Variants in CUL7 observed in about 807,000 individuals in gnomAD.
The protein encoded by CUL7 is cullin 7, also known as cullin-7.
A neutral mutation model predicts 177.7 loss-of-function variants in CUL7; 96 were observed. That is an observed-to-expected ratio of 0.54 (90% CI 0.46 to 0.64). The LOEUF (loss-of-function observed/expected upper bound fraction) is 0.64. CUL7 is among the 30% of genes least tolerant of loss of function. CUL7 has a pLI of 0.00. For synonymous variants in CUL7, 824 were observed against 890.2 expected (o/e 0.93, Z 1.32); for missense variants, 1,893 against 2,187.9 (o/e 0.87, Z 2.69).
chr6:43,043,406 C>T lies in CUL7; in HGVS notation c.3355+42G>A, dbSNP rs972343962. The T allele has an allele frequency of 1.8e-5, 28 of 1,598,374 alleles. No individual in the cohort carries two copies. Among genetic ancestry groups the T allele is most frequent in the Admixed American group, 5.0e-5 (3 of 59,984 alleles). ...GGTGTACACATGGGGCCCAGGAAAA[C>T]GCTCCTGACTAGAGCTCCCCACCTG... On this transcript the variant is annotated intron_variant, in intron 17 of 25. Coordinates refer to ENST00000265348, the MANE Select transcript of CUL7 (RefSeq NM_014780.5). This position sits in a 1 kb window ranked among gnomAD's most constrained non-coding sequence, Gnocchi z 4.2.
At chr6:43,046,682 G>C in intron 10 of CUL7, 81 bp from the exon 11 acceptor site, 1 of 1,584,042 alleles carries the variant, frequency 6.3e-7, no homozygotes, top group Non-Finnish European at 8.6e-7. Context: ...ATGAAGGAGA[G>C]ACCATGCAGC....
chr6:43,048,712 G>A, intron 7 of CUL7, 143 bp from the exon 8 acceptor site: 1 of 631,086 alleles, frequency 1.6e-6, no homozygotes, highest in East Asian at 2.8e-5. Context: ...GTTAGGTTTG[G>A]GGATCTAATC....
Position 43,050,237 on chromosome 6 carries a change from C to T in CUL7, c.1372+23G>A. 6.2e-7 allele frequency: 1 copy of T among 1,614,168 alleles called. No homozygotes were observed. Among genetic ancestry groups the T allele is most frequent in the Non-Finnish European group, 8.5e-7 (1 of 1,180,044 alleles). Reference sequence around the variant, plus strand: ...CACCATTCCTCTGCTCAGAGCTGACCCTTGCTTCCTCCCTGAGCTCACCTC... The same window carrying T: ...CACCATTCCTCTGCTCAGAGCTGACTCTTGCTTCCTCCCTGAGCTCACCTC... On this transcript the variant is annotated intron_variant, in intron 5 of 25. Transcript: ENST00000265348. The surrounding 1 kb of genome is among the most constrained non-coding windows in gnomAD (Gnocchi z 4.1).
chr6:43,047,417 C>T (rs1764013299), intron 9 of CUL7, among the ~76,000 whole-genome samples: 1 of 152,150 alleles, frequency 6.6e-6, no homozygotes, highest in South Asian at 2.1e-4. Context: ...CCTACTGTCC[C>T]AAAAACCAGT....
chr6:43,038,051 C>T (rs1294100703), intron 25 of CUL7, 40 bp from the exon 26 acceptor site: 6 of 1,563,900 alleles, frequency 3.8e-6, no homozygotes, highest in Non-Finnish European at 5.2e-6. Flanking sequence ...AGTTTAGAGG[C>T]AGCTGACCCC....
chr6:43,049,588 T>G lies in CUL7; in HGVS notation c.1644A>C (p.Pro548=). 1 of 1,614,238 alleles carries G rather than the reference T, an allele frequency of 6.2e-7. No homozygotes were observed. Residue 548 remains proline, a synonymous_variant, in exon 7 of 26, where the codon CCA becomes CCC. Transcript: ENST00000265348. ...TGAGGGCACTGTCATTGAGTCGCTGTGGCAGAGTCAGCAGCAAGTCCTGGG... is the reference window on the plus strand; with the variant it reads ...TGAGGGCACTGTCATTGAGTCGCTGGGGCAGAGTCAGCAGCAAGTCCTGGG... ...ELAQDLLLTL[P]QRLNDSALRD...
intron 15 of CUL7, 113 bp from the exon 16 acceptor site, chr6:43,044,998 T>G: frequency 6.7e-7 from 1 of 1,500,076 alleles, no homozygotes; most frequent in Non-Finnish European, 9.1e-7. Context: ...GAAGGCCCCC[T>G]GGTACTTCAG....
At chr6:43,039,096 C>A in intron 22 of CUL7, 109 bp from the exon 23 acceptor site, 1 of 757,202 alleles carries the variant, frequency 1.3e-6, no homozygotes, top group Admixed American at 2.0e-5. Context: ...AGGCGTGTGA[C>A]CCCAGCATTT....
chr6:43,041,849 C>T (rs1763442696), intron 19 of CUL7, among the ~76,000 whole-genome samples: 1 of 151,596 alleles, frequency 6.6e-6, no homozygotes. Context: ...ACTAAAAATA[C>T]AAAAATTGGC....
Position 43,038,322 on chromosome 6 carries a change from C to T in CUL7, c.4718G>A (p.Arg1573Gln), listed in dbSNP as rs780438062. 147 of 1,614,050 alleles carry T rather than the reference C, an allele frequency of 9.1e-5. No homozygotes were observed. The highest frequency in any genetic ancestry group is 1.6e-4 in the Middle Eastern group (1 of 6,084). ...CTCATCTCCATGGGCCTTGAGGATT[C>T]GGACGATGAGGCAGTTCAGAAGATT... ...RRNLLNCLIV[R>Q]ILKAHGDEGL... Residue 1573 changes from arginine to glutamine, a missense_variant, in exon 25 of 26, where the codon CGA becomes CAA. By Grantham distance (43) the Arg-to-Gln change is conservative (BLOSUM62 1). This residue lies in a region of CUL7 where 248 missense variants were observed against 262.5 expected (regional missense o/e 0.94). Coordinates refer to ENST00000265348, the MANE Select transcript of CUL7 (RefSeq NM_014780.5).
Position 43,041,063 on chromosome 6 carries a change from A to G in CUL7, c.3658T>C (p.Phe1220Leu), listed in dbSNP as rs1290086712. ...FLKAAHVSEQ[F>L]ARHIDQQIQG... is the part of the protein sequence containing the mutation. ...ATCTGCTGGTCAATGTGCCGGGCGA[A>G]CTGCTCACTCACCTGAGCAATGGCA... Residue 1220 changes from phenylalanine to leucine, a missense_variant, in exon 20 of 26, where the codon TTC (phenylalanine) becomes CTC (leucine). This residue lies in a region of CUL7 where 973 missense variants were observed against 1,140.9 expected (regional missense o/e 0.85). Transcript: ENST00000265348. The G allele has an allele frequency of 1.2e-6, 2 of 1,613,782 alleles. No individual in the cohort carries two copies. Among genetic ancestry groups the G allele is most frequent in the African/African-American group, 2.7e-5 (2 of 74,892 alleles).
In CUL7 at chr6:43,052,900, C is replaced by T. The variant is rs1030224220; in HGVS notation, c.-8-104G>A. 3.2e-5 allele frequency: 40 copies of T among 1,265,100 alleles called. No individual in the cohort carries two copies. The highest frequency in any genetic ancestry group is 5.9e-5 in the African/African-American group (4 of 67,710). 78.4% of individuals were successfully genotyped at this position (1,265,100 alleles called of 1,614,324 possible). A position where few individuals can be genotyped will look rare whatever the true frequency, so the allele number is the denominator to read the frequency against. On this transcript the variant is annotated intron_variant, in intron 1 of 25. Coordinates refer to ENST00000265348, the MANE Select transcript of CUL7 (RefSeq NM_014780.5). The surrounding 1 kb of genome is among the most constrained non-coding windows in gnomAD (Gnocchi z 4.5). The stretch of plus-strand genomic sequence containing the variant: ...GAAGCAAATGGCAACAGCTGTCAGG[C>T]GGGGTGGGGTAAAGCCAGGCCCAGG...
chr6:43,046,488 G>A, intron 11 of CUL7, 23 bp downstream of exon 11: 1 of 1,614,154 alleles, frequency 6.2e-7, no homozygotes, highest in African/African-American at 1.3e-5. Flanking sequence ...GGGAGGTGGA[G>A]CAACACGGCA....
intron 12 of CUL7, 70 bp from the exon 13 acceptor site, chr6:43,046,161 C>G: frequency 6.2e-7 from 1 of 1,612,728 alleles, no homozygotes. Flanking sequence ...GGGGGTGGTG[C>G]TTCCCCCAAA....
At position 43,053,733 on chromosome 6, in the gene CUL7, G is replaced by C. The variant is rs1194729154; in HGVS notation, c.-120C>G. The C allele has an allele frequency of 6.8e-6, 10 of 1,474,508 alleles. No homozygotes were observed. The East Asian group carries it at 2.7e-4, about 39-fold the overall frequency. 91.3% of individuals were successfully genotyped at this position (1,474,508 alleles called of 1,614,324 possible). ...CACCTGGGCCCCGCGAGGGGGTCGA[G>C]ACGGAGAGACGGGAGGGGGCGTGCC... On this transcript the variant is annotated 5_prime_UTR_variant, in exon 1 of 26. Transcript: ENST00000265348. This position sits in a 1 kb window ranked among gnomAD's most constrained non-coding sequence, Gnocchi z 4.1.
rs372534562 is a variant in CUL7 at position 43,046,051 on chromosome 6, T to C, written c.2701A>G (p.Met901Val). 5 of 1,614,022 alleles carry C rather than the reference T, an allele frequency of 3.1e-6. No homozygotes were observed. The highest frequency in any genetic ancestry group is 4.2e-6 in the Non-Finnish European group (5 of 1,180,036). Residue 901 changes from methionine (M) to valine (V), a missense_variant, in exon 13 of 26, where the codon ATG (methionine) becomes GTG (valine). Transcript: ENST00000265348. ...CCGCACACCACCACTCGGGCCGGCA[T>C]GTAACTCGAGTCCTCACTAGCCACA... is the stretch of plus-strand genomic sequence containing the variant. Reference protein sequence around the residue: ...LLVASEDSSYMPARVVVCGGD... With the variant: ...LLVASEDSSYVPARVVVCGGD...
rs751507440 is a variant in CUL7 at position 43,048,432 on chromosome 6, G to A, written c.1963C>T (p.Leu655Phe). ...EGTQENKVKP[L>F]LLQLQRQPQP... ...GGCTGCCGCTGCAGCTGCAGCAGGA[G>A]TGGCTTGACCTTGTTCTCCTGGGTC... is the stretch of plus-strand genomic sequence containing the variant. Residue 655 changes from leucine to phenylalanine, a missense_variant, in exon 8 of 26, where the codon CTC becomes TTC. By Grantham distance (22) the Leu-to-Phe change is conservative. Coordinates refer to ENST00000265348, the MANE Select transcript of CUL7 (RefSeq NM_014780.5). 25 of 1,614,028 alleles carry A rather than the reference G, an allele frequency of 1.5e-5. No individual in the cohort carries two copies. In the East Asian group the frequency reaches 5.1e-4, roughly 33 times the overall value.
In CUL7 at chr6:43,043,352, G is replaced by A; in HGVS notation, c.3355+96C>T. Reference sequence around the variant, plus strand: ...ATGAACAGGCTGAGCCCATAGGGAGGGGAAGGATGGGGATGGACAGAAGCC... The same window carrying A: ...ATGAACAGGCTGAGCCCATAGGGAGAGGAAGGATGGGGATGGACAGAAGCC... On this transcript the variant is annotated intron_variant, in intron 17 of 25. Coordinates refer to ENST00000265348, the MANE Select transcript of CUL7 (RefSeq NM_014780.5). The surrounding 1 kb of genome is among the most constrained non-coding windows in gnomAD (Gnocchi z 4.2). 1 of 1,324,076 alleles carries A rather than the reference G, an allele frequency of 7.6e-7. No homozygotes were observed. The allele number at this position is 1,324,076 out of a possible 1,614,324, so 82.0% of individuals were successfully genotyped here.
chr6:43,042,698 T>C, intron 19 of CUL7, 104 bp downstream of exon 19: 1 of 772,078 alleles, frequency 1.3e-6, no homozygotes, highest in Non-Finnish European at 2.2e-6. Context: ...TACTAACATA[T>C]GTTCATCATA....
Sources: gnomAD v4.1 joint callset for allele counts (sites outside exome capture counted in the v4.1 genomes callset) on GRCh38, gnomAD v4.1.1 for gene constraint, gnomAD v4.1.1 regional missense constraint, Gnocchi (gnomAD v3.1) non-coding constraint, MANE v1.5 for transcripts, NCBI Gene and HGNC (gene_info 2026-07-23, HGNC 2026-07-21) for gene names.